The following ALDH16A1 variants were observed in gnomAD, a reference collection of about 807,000 sequenced individuals.
ALDH16A1 encodes aldehyde dehydrogenase 16 family member A1, also known as aldehyde dehydrogenase family 16 member A1.
A neutral mutation model predicts 96.1 loss-of-function variants in ALDH16A1; 88 were observed. The ratio of observed to expected loss-of-function variants is 0.92; its 90% CI spans 0.77 to 1.09. ALDH16A1 has a LOEUF of 1.09. Ranked by LOEUF, ALDH16A1 falls within the 50% of genes least tolerant of loss-of-function variation. The pLI is 0.00. For missense variants in ALDH16A1, 1,250 were observed against 1,112.6 expected (o/e 1.12, Z -1.76); for synonymous variants, 522 against 496.4 (o/e 1.05, Z -0.69).
In ALDH16A1 at chr19:49,468,944, G is replaced by A; in HGVS notation, c.2205G>A (p.Leu735=). The A allele has an allele frequency of 1.9e-6, 3 of 1,613,994 alleles. No individual in the cohort carries two copies. The highest frequency in any genetic ancestry group is 2.5e-6 in the Non-Finnish European group (3 of 1,179,984). The change falls in exon 16 of 17, where the codon TTG becomes TTA. Residue 735 remains leucine (L), a synonymous_variant. Coordinates refer to ENST00000293350, the MANE Select transcript of ALDH16A1 (RefSeq NM_153329.4). The surrounding 1 kb of genome is among the most constrained non-coding windows in gnomAD (Gnocchi z 4.4). ...DRDHLTRCLA[L]HQDVQAMWYF... ...ACCATCTGACCCGCTGCCTGGCCTT[G>A]CACCAAGACGTCCAGGCCATGTGGT...
chr19:49,461,958 G>T lies in ALDH16A1; in HGVS notation c.834G>T (p.Leu278=). ...ELGLALGTES[L]LLLTDTADVD... is the part of the protein sequence containing the mutation. ...GCCTGGCGCTGGGGACGGAGTCGCT[G>T]CTGCTGCTGACGGACACGGCGGACG... The change falls in exon 7 of 17, where the codon CTG becomes CTT. Residue 278 remains leucine, a synonymous_variant. Transcript: ENST00000293350. 6.4e-7 allele frequency: 1 copy of T among 1,566,930 alleles called. No homozygotes were observed.
At chr19:49,458,701 G>A (rs1480577462) in intron 2 of ALDH16A1, 113 bp downstream of exon 2, 2 of 1,210,274 alleles carry the variant, frequency 1.7e-6, no homozygotes, top group African/African-American at 3.0e-5. Context: ...ACAGCTGGTG[G>A]TGGGAGATGG....
rs1357999222 is a variant in ALDH16A1, at chr19:49,453,396, T to G, written c.65T>G (p.Val22Gly). 6.4e-7 allele frequency: 1 copy of G among 1,559,886 alleles called. No individual in the cohort carries two copies. Among genetic ancestry groups the G allele is most frequent in the African/African-American group, 1.4e-5 (1 of 73,880 alleles). Residue 22 changes from valine (V) to glycine (G), a missense_variant, in exon 1 of 17, where the codon GTG becomes GGG. Physicochemically the swap from Val to Gly is moderately radical, Grantham distance 109 (BLOSUM62 -3). Transcript: ENST00000293350. ...TTCACCTCGCTGGAGTACGGACCGG[T>G]GCCGGAGAGCCACGCATGCGCACTG... ...EIFTSLEYGP[V>G]PESHACALAW... is the part of the protein sequence containing the mutation.
At chr19:49,460,980 G>T (rs1234567804) in intron 5 of ALDH16A1, 81 bp downstream of exon 5, 2 of 1,463,776 alleles carry the variant, frequency 1.4e-6, no homozygotes, top group East Asian at 4.5e-5. Flanking sequence ...GAGTCTGAGA[G>T]ACAAGGGGGC....
chr19:49,469,193 C>A, intron 16 of ALDH16A1: 1 of 619,004 alleles, frequency 1.6e-6, no homozygotes, highest in Non-Finnish European at 2.6e-6. Context: ...GCTGCCTAGC[C>A]CAAAGACCTC....
At chr19:49,465,709 A>G in intron 12 of ALDH16A1, 29 bp from the exon 13 acceptor site, 1 of 1,597,002 alleles carries the variant, frequency 6.3e-7, no homozygotes, top group Non-Finnish European at 8.5e-7. Context: ...AGGCCCCAGG[A>G]CTCCTCCTCA....
At chr19:49,458,645 A>C in intron 2 of ALDH16A1, 57 bp downstream of exon 2, 4 of 1,492,370 alleles carry the variant, frequency 2.7e-6, no homozygotes, top group Non-Finnish European at 3.7e-6. Flanking sequence ...CTCTAGCCCT[A>C]CCCACCAACA....
Position 49,468,405 on chromosome 19 carries a change from C to G in ALDH16A1, c.1963C>G (p.Leu655Val). ...GGTAGCCGGGCTGAGAGGCCCTGTGCTGCGCCTGCGGGAGCCGCTGGGTGT... is the reference window on the plus strand; with the variant it reads ...GGTAGCCGGGCTGAGAGGCCCTGTGGTGCGCCTGCGGGAGCCGCTGGGTGT... ...LQVAGLRGPV[L>V]RLREPLGVLA... Residue 655 changes from leucine (L) to valine (V), a missense_variant, in exon 15 of 17, where the codon CTG (leucine) becomes GTG (valine). By Grantham distance (32) the Leu-to-Val change is conservative. Coordinates refer to ENST00000293350, the MANE Select transcript of ALDH16A1 (RefSeq NM_153329.4). This position sits in a 1 kb window ranked among gnomAD's most constrained non-coding sequence, Gnocchi z 4.4. 6.2e-7 allele frequency: 1 copy of G among 1,600,032 alleles called. No homozygotes were observed. The highest frequency in any genetic ancestry group is 8.5e-7 in the Non-Finnish European group (1 of 1,179,772).
chr19:49,455,324 G>A (rs1318186427), intron 1 of ALDH16A1, among the ~76,000 whole-genome samples: 1 of 151,242 alleles, frequency 6.6e-6, no homozygotes, highest in African/African-American at 2.4e-5. Context: ...GCTGGGGCAG[G>A]AGAATCGCTT....
chr19:49,466,038 C>T, intron 13 of ALDH16A1, 44 bp from the exon 14 acceptor site: 1 of 1,538,742 alleles, frequency 6.5e-7, no homozygotes, highest in South Asian at 1.2e-5. Context: ...TCAGGAGAGC[C>T]AAGACCAGGA....
intron 1 of ALDH16A1, among the ~76,000 whole-genome samples, chr19:49,456,054 T>C (rs1404621985): frequency 6.6e-6 from 1 of 152,178 alleles, no homozygotes; most frequent in African/African-American, 2.4e-5. Flanking sequence ...AAGCTCCTCT[T>C]CTCATCCAGG....
chr19:49,458,351 TAAAGCAATAG>T, intron 1 of ALDH16A1, 125 bp from the exon 2 acceptor site: 1 of 670,704 alleles, frequency 1.5e-6, no homozygotes, highest in African/African-American at 1.8e-5. Flanking sequence ...ACTTTTTTTT[TAAAGCAATAG>T]GAGGAAAAGA....
At position 49,460,860 on chromosome 19, in the gene ALDH16A1, C is replaced by T. The variant is rs370840695; in HGVS notation, c.538C>T (p.Leu180Phe). 6.2e-7 allele frequency: 1 copy of T among 1,613,786 alleles called. No individual in the cohort carries two copies. ...GLILPPTFSF[L>F]EMMWRICPAL... is the part of the protein sequence containing the mutation. ...CATCCTGCCACCCACATTCTCCTTC[C>T]TTGAGATGATGTGGAGGATTTGCCC... The change falls in exon 5 of 17, where the codon CTT becomes TTT. Residue 180 changes from leucine (L) to phenylalanine (F), a missense_variant. Physicochemically the swap from Leu to Phe is conservative, Grantham distance 22. Coordinates refer to ENST00000293350, the MANE Select transcript of ALDH16A1 (RefSeq NM_153329.4).
At position 49,464,400 on chromosome 19, in the gene ALDH16A1, C is replaced by G. The variant is rs1452136604; in HGVS notation, c.1332-17C>G. On this transcript the variant is annotated splice_polypyrimidine_tract_variant and intron_variant, in intron 10 of 16. Transcript: ENST00000293350. ...CCGTCTGTTTTCCTCTGTTGGACAC[C>G]TTCATCTTCCCCACAGGCTCCAGGT... is the stretch of plus-strand genomic sequence containing the variant. 6.3e-7 allele frequency: 1 copy of G among 1,587,418 alleles called. No homozygotes were observed. The highest frequency in any genetic ancestry group is 1.3e-5 in the African/African-American group (1 of 74,568).
intron 16 of ALDH16A1, chr19:49,469,224 G>C (rs2079225187): frequency 2.2e-6 from 1 of 444,454 alleles, no homozygotes; most frequent in South Asian, 3.4e-5. Context: ...ACAGCCCGTT[G>C]CTAAGGACCA....
chr19:49,465,760 T>C lies in ALDH16A1; in HGVS notation c.1591T>C (p.Phe531Leu), dbSNP rs1299168608. The C allele has an allele frequency of 1.9e-6, 3 of 1,613,808 alleles. No homozygotes were observed. Among genetic ancestry groups the C allele is most frequent in the African/African-American group, 1.3e-5 (1 of 74,936 alleles). The change falls in exon 13 of 17, where the codon TTC (phenylalanine) becomes CTC (leucine). Residue 531 changes from phenylalanine (F) to leucine (L), a missense_variant. Physicochemically the swap from Phe to Leu is conservative, Grantham distance 22. Coordinates refer to ENST00000293350, the MANE Select transcript of ALDH16A1 (RefSeq NM_153329.4). The part of the protein sequence containing the change: ...GPSPAPPYGL[F>L]VGGRFQAPGA... ...CAGCCCAGCACCCCCCTATGGGCTC[T>C]TCGTTGGGGGCCGTTTCCAGGCTCC...
chr19:49,463,902 A>T lies in ALDH16A1; in HGVS notation c.1147A>T (p.Thr383Ser). Residue 383 changes from threonine (T) to serine (S), a missense_variant, in exon 9 of 17, where the codon ACC (threonine) becomes TCC (serine). Coordinates refer to ENST00000293350, the MANE Select transcript of ALDH16A1 (RefSeq NM_153329.4). ...VPSERPFYPP[T>S]LVSNLPPASP... ...TTCGGAACGCCCATTCTATCCCCCA[A>T]CCTTGGTCTCCAACCTGCCCCCAGC... 1 of 1,613,396 alleles carries T rather than the reference A, an allele frequency of 6.2e-7. No homozygotes were observed. The highest frequency in any genetic ancestry group is 8.5e-7 in the Non-Finnish European group (1 of 1,179,596).
At position 49,459,096 on chromosome 19, in the gene ALDH16A1, C is replaced by T. The variant is rs182621987; in HGVS notation, c.320+10C>T. 1.2e-4 allele frequency: 191 copies of T among 1,609,882 alleles called. No individual in the cohort carries two copies. The highest frequency in any genetic ancestry group is 4.7e-4 in the Admixed American group (28 of 59,844). Reference sequence around the variant, plus strand: ...CCCAGCACCTGACCAGGTGATGCAGCTGAGGTGTGGACCCCGGGAGGCGGG... The same window carrying T: ...CCCAGCACCTGACCAGGTGATGCAGTTGAGGTGTGGACCCCGGGAGGCGGG... On this transcript the variant is annotated intron_variant, in intron 3 of 16. Transcript: ENST00000293350. This position sits in a 1 kb window ranked among gnomAD's most constrained non-coding sequence, Gnocchi z 4.1.
rs1452136604 is a variant in ALDH16A1, at chr19:49,464,400, C to T, written c.1332-17C>T. 2.2e-5 allele frequency: 35 copies of T among 1,587,426 alleles called. No homozygotes were observed. The highest frequency in any genetic ancestry group is 3.0e-5 in the Non-Finnish European group (35 of 1,166,502). On this transcript the variant is annotated splice_polypyrimidine_tract_variant and intron_variant, in intron 10 of 16. Coordinates refer to ENST00000293350, the MANE Select transcript of ALDH16A1 (RefSeq NM_153329.4). ...CCGTCTGTTTTCCTCTGTTGGACAC[C>T]TTCATCTTCCCCACAGGCTCCAGGT...
Sources: gnomAD v4.1 joint callset for allele counts (sites outside exome capture counted in the v4.1 genomes callset) on GRCh38, gnomAD v4.1.1 for gene constraint, Gnocchi (gnomAD v3.1) non-coding constraint, MANE v1.5 for transcripts, NCBI Gene and HGNC (gene_info 2026-07-23, HGNC 2026-07-21) for gene names.